Variants in BLOC1S4 observed in about 807,000 individuals in gnomAD.
BLOC1S4 encodes the protein biogenesis of lysosome-related organelles complex 1 subunit 4.
For synonymous variants in BLOC1S4, 179 were observed against 143.7 expected, an observed-to-expected ratio of 1.25 and a Z score of -1.76; for missense variants, 332 against 308.8, an observed-to-expected ratio of 1.07 and a Z score of -0.56.
In BLOC1S4 at chr4:6,716,857, GCTCTGACGGCCTGAC is replaced by G. The variant is rs775244037; in HGVS notation, c.650_*10del. 2.5e-6 allele frequency: 4 copies of G among 1,595,384 alleles called. No individual in the cohort carries two copies. The African/African-American group carries it at 5.4e-5, about 21-fold the overall frequency. ...TCCCTTGTTGCAGTGAAAGGCCTCA[GCTCTGACGGCCTGAC>G]CACTGCGGCAAGAGGACCCCAGCTG... On this transcript the variant is annotated stop_lost and 3_prime_UTR_variant, in exon 1 of 1. Transcript: ENST00000320776.
rs1429980282 is a variant in BLOC1S4, at chr4:6,716,404, T to C, written c.195T>C (p.Ala65=). The part of the protein sequence containing the change: ...GRDLPLLRRA[A]AGYAACLLPG... ...ACCTGCCGCTGCTTCGCCGCGCCGC[T>C]GCGGGCTACGCCGCCTGCCTGCTGC... The change falls in exon 1 of 1, where the codon GCT becomes GCC. Residue 65 remains alanine (A), a synonymous_variant. Transcript: ENST00000320776. 3 of 1,320,626 alleles carry C rather than the reference T, an allele frequency of 2.3e-6. No homozygotes were observed. The highest frequency in any genetic ancestry group is 2.9e-6 in the Non-Finnish European group (3 of 1,034,484). The allele number at this position is 1,320,626 out of a possible 1,614,324, so 81.8% of individuals were successfully genotyped here.
At position 6,716,430 on chromosome 4, in the gene BLOC1S4, C is replaced by T; in HGVS notation, c.221C>T (p.Pro74Leu). 6.6e-7 allele frequency: 1 copy of T among 1,519,966 alleles called. No homozygotes were observed. The highest frequency in any genetic ancestry group is 8.8e-7 in the Non-Finnish European group (1 of 1,138,684). The allele number at this position is 1,519,966 out of a possible 1,614,324, so 94.2% of individuals were successfully genotyped here. Reference protein sequence around the residue: ...AAAGYAACLLPGAGARPEVEA... With the variant: ...AAAGYAACLLLGAGARPEVEA... The stretch of plus-strand genomic sequence containing the variant: ...GCGGGCTACGCCGCCTGCCTGCTGC[C>T]CGGGGCCGGGGCGCGGCCCGAGGTC... The change falls in exon 1 of 1, where the codon CCC (proline) becomes CTC (leucine). Residue 74 changes from proline to leucine, a missense_variant. Coordinates refer to ENST00000320776, the MANE Select transcript of BLOC1S4 (RefSeq NM_018366.3).
In BLOC1S4 at chr4:6,717,429, C is replaced by T. The variant is rs1174626115; in HGVS notation, c.*566C>T. 1 of 166,716 alleles carries T rather than the reference C, an allele frequency of 6.0e-6. No individual in the cohort carries two copies. Among genetic ancestry groups the T allele is most frequent in the Non-Finnish European group, 1.5e-5 (1 of 68,108 alleles). The allele number at this position is 166,716 out of a possible 1,614,324, so 10.3% of individuals were successfully genotyped here. A position where few individuals can be genotyped will look rare whatever the true frequency, so the allele number is the denominator to read the frequency against. On this transcript the variant is annotated 3_prime_UTR_variant, in exon 1 of 1. Coordinates refer to ENST00000320776, the MANE Select transcript of BLOC1S4 (RefSeq NM_018366.3). ...CATTATTTAATATTATATTAAACCT[C>T]CTATAGCGTGGATTGTAGACCAAAG...
Position 6,716,668 on chromosome 4 carries a change from G to A in BLOC1S4, c.459G>A (p.Glu153=). Residue 153 remains glutamate (E), a synonymous_variant, in exon 1 of 1, where the codon GAG becomes GAA. Transcript: ENST00000320776. The part of the protein sequence containing the change: ...RMVGGRVARM[E]EQVTKAEAEL... ...TGGGGGGCCGCGTGGCCAGGATGGA[G>A]GAGCAGGTCACCAAGGCCGAGGCCG... is the stretch of plus-strand genomic sequence containing the variant. 1 of 1,611,380 alleles carries A rather than the reference G, an allele frequency of 6.2e-7. No homozygotes were observed. Among genetic ancestry groups the A allele is most frequent in the Non-Finnish European group, 8.5e-7 (1 of 1,179,808 alleles).
chr4:6,716,778 G>A lies in BLOC1S4; in HGVS notation c.569G>A (p.Arg190Lys). Residue 190 changes from arginine (R) to lysine (K), a missense_variant, in exon 1 of 1, where the codon AGG becomes AAG. Coordinates refer to ENST00000320776, the MANE Select transcript of BLOC1S4 (RefSeq NM_018366.3). ...CTCTTTAGCAAGTCTGCTCCCTCGA[G>A]GCCACAGCAAGCCGGCTACGAAGCC... ...PSLFSKSAPSRPQQAGYEAPV... is the reference protein window; with the variant it reads ...PSLFSKSAPSKPQQAGYEAPV... 6.2e-7 allele frequency: 1 copy of A among 1,614,040 alleles called. No homozygotes were observed. The highest frequency in any genetic ancestry group is 1.1e-5 in the South Asian group (1 of 91,074).
chr4:6,716,898 G>A lies in BLOC1S4; in HGVS notation c.*35G>A, dbSNP rs750049438. The stretch of plus-strand genomic sequence containing the variant: ...CACTGCGGCAAGAGGACCCCAGCTG[G>A]GGTGCTTACCTCCAGTATGAAGTGA... On this transcript the variant is annotated 3_prime_UTR_variant, in exon 1 of 1. Transcript: ENST00000320776. The A allele has an allele frequency of 6.5e-7, 1 of 1,537,836 alleles. No homozygotes were observed. Among genetic ancestry groups the A allele is most frequent in the Admixed American group, 1.9e-5 (1 of 51,392 alleles).
rs1714906644 is a variant in BLOC1S4, at chr4:6,716,427, T to A, written c.218T>A (p.Leu73Gln). Residue 73 changes from leucine to glutamine, a missense_variant, in exon 1 of 1, where the codon CTG becomes CAG. By Grantham distance (113) the Leu-to-Gln change is moderately radical. Transcript: ENST00000320776. ...GCTGCGGGCTACGCCGCCTGCCTGC[T>A]GCCCGGGGCCGGGGCGCGGCCCGAG... ...RAAAGYAACLLPGAGARPEVE... is the reference protein window; with the variant it reads ...RAAAGYAACLQPGAGARPEVE... The A allele has an allele frequency of 2.0e-6, 3 of 1,504,534 alleles. No homozygotes were observed. Among genetic ancestry groups the A allele is most frequent in the Non-Finnish European group, 2.7e-6 (3 of 1,130,654 alleles). 93.2% of individuals were successfully genotyped at this position (1,504,534 alleles called of 1,614,324 possible). A position where few individuals can be genotyped will look rare whatever the true frequency, so the allele number is the denominator to read the frequency against.
Position 6,716,802 on chromosome 4 carries a change from C to T in BLOC1S4, c.593C>T (p.Ala198Val), listed in dbSNP as rs1349925297. 2 of 1,613,866 alleles carry T rather than the reference C, an allele frequency of 1.2e-6. No homozygotes were observed. The highest frequency in any genetic ancestry group is 1.7e-6 in the Non-Finnish European group (2 of 1,179,792). ...PSRPQQAGYE[A>V]PVLFRTEDYF... ...AGGCCACAGCAAGCCGGCTACGAAG[C>T]CCCCGTCCTGTTTCGGACCGAAGAC... The change falls in exon 1 of 1, where the codon GCC becomes GTC. Residue 198 changes from alanine (A) to valine (V), a missense_variant. Ala to Val is a moderately conservative substitution (Grantham distance 64). Coordinates refer to ENST00000320776, the MANE Select transcript of BLOC1S4 (RefSeq NM_018366.3).
Position 6,716,366 on chromosome 4 carries a change from G to T in BLOC1S4, c.157G>T (p.Ala53Ser). The T allele has an allele frequency of 8.1e-7, 1 of 1,235,192 alleles. No individual in the cohort carries two copies. Among genetic ancestry groups the T allele is most frequent in the Non-Finnish European group, 1.0e-6 (1 of 992,024 alleles). 76.5% of individuals were successfully genotyped at this position (1,235,192 alleles called of 1,614,324 possible). Residue 53 changes from alanine (A) to serine (S), a missense_variant, in exon 1 of 1, where the codon GCG becomes TCG. Physicochemically the swap from Ala to Ser is moderately conservative, Grantham distance 99 (BLOSUM62 1). Transcript: ENST00000320776. The stretch of plus-strand genomic sequence containing the variant: ...GGAGGACGAGGGCGCGGAGGACGGC[G>T]CGCCGGGCCGCGACCTGCCGCTGCT... ...PWEDEGAEDG[A>S]PGRDLPLLRR... is the part of the protein sequence containing the mutation.
rs1577329458 is a variant in BLOC1S4, at chr4:6,716,928, C to T, written c.*65C>T. The T allele has an allele frequency of 2.2e-6, 3 of 1,382,764 alleles. No homozygotes were observed. The allele number at this position is 1,382,764 out of a possible 1,614,324, so 85.7% of individuals were successfully genotyped here. On this transcript the variant is annotated 3_prime_UTR_variant, in exon 1 of 1. Coordinates refer to ENST00000320776, the MANE Select transcript of BLOC1S4 (RefSeq NM_018366.3). ...CTTACCTCCAGTATGAAGTGAATTG[C>T]AAATCCTGCTTATGGACATATATGA...
Position 6,716,686 on chromosome 4 carries a change from C to G in BLOC1S4, c.477C>G (p.Ala159=). The change falls in exon 1 of 1, where the codon GCC becomes GCG. Residue 159 remains alanine (A), a synonymous_variant. Transcript: ENST00000320776. ...GGATGGAGGAGCAGGTCACCAAGGC[C>G]GAGGCCGAGCTGGGCACCTTCCCCA... The part of the protein sequence containing the change: ...VARMEEQVTK[A]EAELGTFPRA... 1 of 1,612,126 alleles carries G rather than the reference C, an allele frequency of 6.2e-7. No homozygotes were observed. Among genetic ancestry groups the G allele is most frequent in the Non-Finnish European group, 8.5e-7 (1 of 1,179,850 alleles).
In BLOC1S4 at chr4:6,717,025, T is replaced by G. The variant is rs142588366; in HGVS notation, c.*162T>G. On this transcript the variant is annotated 3_prime_UTR_variant, in exon 1 of 1. Transcript: ENST00000320776. ...AGTATATTCATGATTCAGTGTAGAATGTATAGACTTTATGTCTTCCAAGTT... is the reference window on the plus strand; with the variant it reads ...AGTATATTCATGATTCAGTGTAGAAGGTATAGACTTTATGTCTTCCAAGTT... 3,293 of 681,186 alleles carry G rather than the reference T, an allele frequency of 4.8e-3. 20 individuals are homozygous for G. The highest frequency in any genetic ancestry group is 0.016 in the Middle Eastern group (40 of 2,562). The allele number at this position is 681,186 out of a possible 1,614,324, so 42.2% of individuals were successfully genotyped here. A position where few individuals can be genotyped will look rare whatever the true frequency, so the allele number is the denominator to read the frequency against.
At position 6,716,866 on chromosome 4, in the gene BLOC1S4, G is replaced by T. The variant is rs1339384250; in HGVS notation, c.*3G>T. On this transcript the variant is annotated 3_prime_UTR_variant, in exon 1 of 1. Coordinates refer to ENST00000320776, the MANE Select transcript of BLOC1S4 (RefSeq NM_018366.3). Reference sequence around the variant, plus strand: ...GCAGTGAAAGGCCTCAGCTCTGACGGCCTGACCACTGCGGCAAGAGGACCC... The same window carrying T: ...GCAGTGAAAGGCCTCAGCTCTGACGTCCTGACCACTGCGGCAAGAGGACCC... 6.3e-7 allele frequency: 1 copy of T among 1,583,018 alleles called. No homozygotes were observed. Among genetic ancestry groups the T allele is most frequent in the South Asian group, 1.1e-5 (1 of 88,680 alleles).
chr4:6,717,478 A>G lies in BLOC1S4; in HGVS notation c.*615A>G, dbSNP rs1714942838. Reference sequence around the variant, plus strand: ...AGGAAATGGTACAATTTCTGAGAATATATGTTGATTTTTTGTGACTAATTC... The same window carrying G: ...AGGAAATGGTACAATTTCTGAGAATGTATGTTGATTTTTTGTGACTAATTC... On this transcript the variant is annotated 3_prime_UTR_variant, in exon 1 of 1. Coordinates refer to ENST00000320776, the MANE Select transcript of BLOC1S4 (RefSeq NM_018366.3). 1 of 166,808 alleles carries G rather than the reference A, an allele frequency of 6.0e-6. No individual in the cohort carries two copies. Among genetic ancestry groups the G allele is most frequent in the East Asian group, 1.9e-4 (1 of 5,210 alleles). The allele number at this position is 166,808 out of a possible 1,614,324, so 10.3% of individuals were successfully genotyped here. A position where few individuals can be genotyped will look rare whatever the true frequency, so the allele number is the denominator to read the frequency against.
In BLOC1S4 at chr4:6,716,873, C is replaced by A. The variant is rs767094567; in HGVS notation, c.*10C>A. 6.3e-7 allele frequency: 1 copy of A among 1,575,796 alleles called. No homozygotes were observed. The highest frequency in any genetic ancestry group is 8.7e-7 in the Non-Finnish European group (1 of 1,154,892). The stretch of plus-strand genomic sequence containing the variant: ...AAGGCCTCAGCTCTGACGGCCTGAC[C>A]ACTGCGGCAAGAGGACCCCAGCTGG... On this transcript the variant is annotated 3_prime_UTR_variant, in exon 1 of 1. Transcript: ENST00000320776.
In BLOC1S4 at chr4:6,716,519, G is replaced by T. The variant is rs778329717; in HGVS notation, c.310G>T (p.Asp104Tyr). 1 of 1,544,338 alleles carries T rather than the reference G, an allele frequency of 6.5e-7. No homozygotes were observed. Among genetic ancestry groups the T allele is most frequent in the East Asian group, 2.4e-5 (1 of 41,168 alleles). ...AGTGGACGAGTTCGTGGGCATGCTG[G>T]ACATGCTTCGCGGCGACTCGTCCCA... ...TRVDEFVGMLDMLRGDSSHVV... is the reference protein window; with the variant it reads ...TRVDEFVGMLYMLRGDSSHVV... Residue 104 changes from aspartate to tyrosine, a missense_variant, in exon 1 of 1, where the codon GAC (aspartate) becomes TAC (tyrosine). Transcript: ENST00000320776.
chr4:6,717,110 A>T lies in BLOC1S4; in HGVS notation c.*247A>T. On this transcript the variant is annotated 3_prime_UTR_variant, in exon 1 of 1. Transcript: ENST00000320776. ...GACTGTTCGGAAACTCCTGGGCTCA[A>T]GTGATCCTTCCACCTCAGCCTCCCC... The T allele has an allele frequency of 2.8e-6, 1 of 361,010 alleles. No homozygotes were observed. The highest frequency in any genetic ancestry group is 5.3e-6 in the Non-Finnish European group (1 of 189,618). The allele number at this position is 361,010 out of a possible 1,614,324, so 22.4% of individuals were successfully genotyped here.
chr4:6,716,439 G>T lies in BLOC1S4; in HGVS notation c.230G>T (p.Gly77Val). Residue 77 changes from glycine to valine, a missense_variant, in exon 1 of 1, where the codon GGG (glycine) becomes GTG (valine). Gly to Val is a moderately radical substitution (Grantham distance 109, BLOSUM62 -3). Coordinates refer to ENST00000320776, the MANE Select transcript of BLOC1S4 (RefSeq NM_018366.3). Reference sequence around the variant, plus strand: ...GCCGCCTGCCTGCTGCCCGGGGCCGGGGCGCGGCCCGAGGTCGAGGCCCTG... The same window carrying T: ...GCCGCCTGCCTGCTGCCCGGGGCCGTGGCGCGGCCCGAGGTCGAGGCCCTG... ...GYAACLLPGAGARPEVEALDA... is the reference protein window; with the variant it reads ...GYAACLLPGAVARPEVEALDA... 6.6e-7 allele frequency: 1 copy of T among 1,526,560 alleles called. No homozygotes were observed. 94.6% of individuals were successfully genotyped at this position (1,526,560 alleles called of 1,614,324 possible).
rs1032985995 is a variant in BLOC1S4, at chr4:6,716,257, G to C, written c.48G>C (p.Ala16=). The stretch of plus-strand genomic sequence containing the variant: ...GCGGAGCGCTGCCGGAGGGGCTCGC[G>C]GAAGAGGCCGAGCCGCAGGGCGCCG... ...SDGGALPEGL[A]EEAEPQGAAW... is the part of the protein sequence containing the mutation. The change falls in exon 1 of 1, where the codon GCG becomes GCC. Residue 16 remains alanine, a synonymous_variant. Coordinates refer to ENST00000320776, the MANE Select transcript of BLOC1S4 (RefSeq NM_018366.3). The C allele has an allele frequency of 2.4e-6, 3 of 1,233,804 alleles. No homozygotes were observed. Among genetic ancestry groups the C allele is most frequent in the Non-Finnish European group, 3.0e-6 (3 of 988,192 alleles). The allele number at this position is 1,233,804 out of a possible 1,614,324, so 76.4% of individuals were successfully genotyped here. A position where few individuals can be genotyped will look rare whatever the true frequency, so the allele number is the denominator to read the frequency against.
Sources: allele counts gnomAD v4.1 joint callset, GRCh38; gene constraint gnomAD v4.1.1; transcripts MANE v1.5; gene names NCBI Gene and HGNC (gene_info 2026-07-23, HGNC 2026-07-21).